The following HIVEP1 variants were observed in gnomAD, a reference collection of about 807,000 sequenced individuals.
HIVEP1 encodes HIVEP zinc finger 1.
A neutral mutation model predicts 180.0 loss-of-function variants in HIVEP1; 36 were observed. The ratio of observed to expected loss-of-function variants is 0.20; its 90% CI spans 0.15 to 0.26. The LOEUF (loss-of-function observed/expected upper bound fraction) is 0.26, where lower values mean the gene tolerates loss of function less well. HIVEP1 is among the 10% of genes least tolerant of loss of function. The pLI is 1.00. For synonymous variants in HIVEP1, 1,239 were observed against 1,239.0 expected (o/e 1.00, Z 0.00); for missense variants, 3,143 against 3,268.7 (o/e 0.96, Z 0.94).
intron 2 of HIVEP1, chr6:12,037,898 GA>G (rs1769397298): frequency 2.5e-6 from 1 of 395,356 alleles, no homozygotes; most frequent in Admixed American, 4.4e-5. Context: ...TGGCGGAGGG[GA>G]GGGGAGTTCC....
Position 12,124,520 on chromosome 6 carries a change from T to G in HIVEP1, c.4725T>G (p.Ser1575=). 1 of 1,614,192 alleles carries G rather than the reference T, an allele frequency of 6.2e-7. No homozygotes were observed. Among genetic ancestry groups the G allele is most frequent in the African/African-American group, 1.3e-5 (1 of 75,064 alleles). ...TCACTTCAGGCCCATCTTGCTCTTC[T>G]AATCCTGTGCATTCTTTGCCAAATC... The part of the protein sequence containing the change: ...QVFTSGPSCS[S]NPVHSLPNQV... The change falls in exon 4 of 9, where the codon TCT becomes TCG. Residue 1575 remains serine, a synonymous_variant. Transcript: ENST00000379388.
the HIVEP1 span, among the ~76,000 whole-genome samples, chr6:12,190,561 C>G: frequency 6.6e-6 from 1 of 151,796 alleles, no homozygotes; most frequent in African/African-American, 2.4e-5. Flanking sequence ...GGCTCCCTCT[C>G]TTTCTTATTC....
At chr6:12,203,020 A>G in the HIVEP1 span, among the ~76,000 whole-genome samples, 1 of 152,218 alleles carries the variant, frequency 6.6e-6, no homozygotes, top group East Asian at 1.9e-4. Context: ...AAAAAAGGAC[A>G]AACATTTTCA....
chr6:12,173,747 T>C, the HIVEP1 span, among the ~76,000 whole-genome samples: 1 of 152,214 alleles, frequency 6.6e-6, no homozygotes, highest in Non-Finnish European at 1.5e-5. Context: ...TTCATTTGTT[T>C]TCAGTTACTT....
intron 7 of HIVEP1, among the ~76,000 whole-genome samples, chr6:12,160,636 G>A (rs1449536021): frequency 6.6e-6 from 1 of 152,166 alleles, no homozygotes; most frequent in African/African-American, 2.4e-5. Context: ...AAAACAGGAG[G>A]CAGGGGAGGG....
At chr6:12,135,922 T>A (rs781239928) in intron 7 of HIVEP1, 30 bp downstream of exon 7, 17 of 1,427,476 alleles carry the variant, frequency 1.2e-5, no homozygotes, top group Non-Finnish European at 1.7e-5. Flanking sequence ...TTTTCATAAA[T>A]GCTATTTATA....
chr6:12,072,959 TA>T (rs1772083727), intron 2 of HIVEP1, among the ~76,000 whole-genome samples: 1 of 152,258 alleles, frequency 6.6e-6, no homozygotes. Flanking sequence ...TTATTCTTTT[TA>T]CTGCTTTCTC....
At chr6:12,167,396 A>C (rs1375107752), downstream of HIVEP1, among the ~76,000 whole-genome samples, 1 of 151,556 alleles carries the variant, frequency 6.6e-6, no homozygotes, top group Non-Finnish European at 1.5e-5. Flanking sequence ...ATTTTCATTA[A>C]TTTTGTTTCA....
intron 2 of HIVEP1, among the ~76,000 whole-genome samples, chr6:12,045,127 G>C (rs1388218969): frequency 6.9e-6 from 1 of 145,400 alleles, no homozygotes; most frequent in Non-Finnish European, 1.5e-5. Flanking sequence ...TTCTAGCACA[G>C]TCAGCTCTGT....
the HIVEP1 span, among the ~76,000 whole-genome samples, chr6:12,190,035 A>G: frequency 6.6e-6 from 1 of 152,246 alleles, no homozygotes; most frequent in Non-Finnish European, 1.5e-5. Flanking sequence ...AGCAAATTGT[A>G]GAACAATGTG....
chr6:12,050,946 C>T (rs9366953), intron 2 of HIVEP1, among the ~76,000 whole-genome samples: 1 of 145,526 alleles, frequency 6.9e-6, no homozygotes, highest in South Asian at 2.2e-4. Context: ...TTGGCCGTTG[C>T]TTCCAGGCCT....
chr6:12,194,120 A>G, the HIVEP1 span, among the ~76,000 whole-genome samples: 7 of 152,236 alleles, frequency 4.6e-5, no homozygotes, highest in Non-Finnish European at 8.8e-5. Flanking sequence ...AAAGTATATC[A>G]TTAATGATGT....
upstream of HIVEP1, among the ~76,000 whole-genome samples, chr6:12,009,800 G>C (rs77898933): frequency 0.011 from 1,608 of 152,304 alleles, 18 homozygotes; most frequent in African/African-American, 0.037. Flanking sequence ...TCAAATAAAA[G>C]TTTAATATCG....
Position 12,067,587 on chromosome 6 carries a change from T to A in HIVEP1, c.41-21597T>A, listed in dbSNP as rs111958083. Among the ~76,000 whole-genome samples, 851 of 152,292 alleles carry A rather than the reference T, an allele frequency of 5.6e-3. 9 individuals are homozygous for A. The highest frequency in any genetic ancestry group is 0.019 in the African/African-American group (809 of 41,550). ...TAGGCGCCAATGGCGTAGAATGGTT[T>A]GGATTTATTGCATTTATCTGATGCC... On this transcript the variant is annotated intron_variant, in intron 2 of 8. Coordinates refer to ENST00000379388, the MANE Select transcript of HIVEP1 (RefSeq NM_002114.4).
chr6:12,070,556 C>T (rs375522635), intron 2 of HIVEP1, among the ~76,000 whole-genome samples: 2 of 152,122 alleles, frequency 1.3e-5, no homozygotes, highest in Non-Finnish European at 2.9e-5. Flanking sequence ...CCTTTATAAT[C>T]TTGTGAGACT....
the HIVEP1 span, among the ~76,000 whole-genome samples, chr6:12,207,162 G>A: frequency 2.6e-5 from 4 of 152,126 alleles, no homozygotes; most frequent in African/African-American, 4.8e-5. Context: ...CACCTGGGTC[G>A]TCTGGTGAGG....
At chr6:12,190,327 T>C in the HIVEP1 span, among the ~76,000 whole-genome samples, 1 of 152,248 alleles carries the variant, frequency 6.6e-6, no homozygotes, top group African/African-American at 2.4e-5. Flanking sequence ...GGCTTTCCGT[T>C]GAATCCAGAA....
chr6:12,123,754 C>A lies in HIVEP1; in HGVS notation c.3959C>A (p.Ala1320Asp), dbSNP rs777950486. ...TTATCTCACACTTCAAGTTTCTCAG[C>A]CTCTTTAGACATAGAGGACGTTTCT... ...SSLSHTSSFS[A>D]SLDIEDVSKT... The change falls in exon 4 of 9, where the codon GCC becomes GAC. Residue 1320 changes from alanine to aspartate, a missense_variant. By Grantham distance (126) the Ala-to-Asp change is moderately radical. Around this residue, in one of 12 missense-constraint regions of HIVEP1, gnomAD observed 1,357 missense variants for 1,260.5 expected, o/e 1.08. Transcript: ENST00000379388. The A allele has an allele frequency of 1.2e-6, 2 of 1,614,160 alleles. No individual in the cohort carries two copies. The highest frequency in any genetic ancestry group is 2.2e-5 in the South Asian group (2 of 91,084).
At chr6:12,044,611 GC>G (rs1770001211) in intron 2 of HIVEP1, among the ~76,000 whole-genome samples, 1 of 146,232 alleles carries the variant, frequency 6.8e-6, no homozygotes, top group African/African-American at 2.6e-5. Context: ...GGCTCACTGT[GC>G]CCCCCTCAAA....
Sources: allele counts gnomAD v4.1 joint callset (sites outside exome capture counted in the v4.1 genomes callset), GRCh38; gene constraint gnomAD v4.1.1; regional missense constraint gnomAD v4.1.1; transcripts MANE v1.5; gene names NCBI Gene and HGNC (gene_info 2026-07-23, HGNC 2026-07-21).